The following NEBL variants were observed in gnomAD, a reference collection of about 807,000 sequenced individuals.
The protein encoded by NEBL is LIM and SH3 protein 2.
Under a neutral mutation model 140.2 loss-of-function variants are expected in NEBL, and 122 were observed. The ratio of observed to expected loss-of-function variants is 0.87; its 90% confidence interval spans 0.75 to 1.01. The LOEUF (loss-of-function observed/expected upper bound fraction) is 1.01. NEBL is among the 50% of genes least tolerant of loss of function. The probability of loss-of-function intolerance (pLI) is 0.00; values close to 1 mark genes in which losing one functional copy is unlikely to be tolerated. For synonymous variants in NEBL, 436 were observed against 398.9 expected, an observed-to-expected ratio of 1.09 and a Z score of -1.11; for missense variants, 1,365 against 1,231.3, an observed-to-expected ratio of 1.11 and a Z score of -1.62.
chr10:20,875,602 A>C (rs1845420470), intron 5 of NEBL, among the ~76,000 whole-genome samples: 2 of 152,188 alleles, frequency 1.3e-5, no homozygotes, highest in Non-Finnish European at 2.9e-5. Context: ...GAGTTAATAA[A>C]CCAGAGAAAA....
At chr10:21,166,256 AAAAATT>A (rs1840768840) in intron 2 of NEBL, among the ~76,000 whole-genome samples, 5 of 105,404 alleles carry the variant, frequency 4.7e-5, no homozygotes, top group Admixed American at 9.2e-5. Context: ...GAAAAGAAAA[AAAAATT>A]TTCTACATCA....
In NEBL at chr10:20,785,889, T is replaced by C. The variant is rs750379406; in HGVS notation, c.2903A>G (p.Gln968Arg). The C allele has an allele frequency of 6.8e-6, 11 of 1,613,952 alleles. No homozygotes were observed. The highest frequency in any genetic ancestry group is 1.3e-5 in the African/African-American group (1 of 74,918). Residue 968 changes from glutamine (Q) to arginine (R), a missense_variant, in exon 28 of 28, where the codon CAG becomes CGG. By Grantham distance (43) the Gln-to-Arg change is conservative (BLOSUM62 1). Around this residue, in one of 2 missense-constraint regions of NEBL, gnomAD observed 42 missense variants for 76.5 expected, o/e 0.55. Coordinates refer to ENST00000377122, the MANE Select transcript of NEBL (RefSeq NM_006393.3). ...TYRAMYDYSA[Q>R]DEDEVSFRDG... Reference sequence around the variant, plus strand: ...TCTAAAGGAGACCTCGTCTTCATCCTGGGCACTGTAATCGTACATGGCTCG... The same window carrying C: ...TCTAAAGGAGACCTCGTCTTCATCCCGGGCACTGTAATCGTACATGGCTCG...
intron 3 of NEBL, among the ~76,000 whole-genome samples, chr10:21,008,425 A>G (rs1253106342): frequency 6.6e-6 from 1 of 152,186 alleles, no homozygotes; most frequent in Admixed American, 6.5e-5. Context: ...TTTTATTTTT[A>G]AATTTTTTTC....
intron 4 of NEBL, among the ~76,000 whole-genome samples, chr10:20,939,808 T>C (rs1209571013): frequency 2.0e-5 from 3 of 152,162 alleles, no homozygotes; most frequent in Non-Finnish European, 4.4e-5. Context: ...AAGCAGACTT[T>C]AAATGAACAA....
intron 4 of NEBL, among the ~76,000 whole-genome samples, chr10:20,926,338 T>C (rs1342706752): frequency 6.6e-6 from 1 of 152,264 alleles, no homozygotes; most frequent in African/African-American, 2.4e-5. Flanking sequence ...TGCAATCCTT[T>C]ATAAAACTTG....
intron 3 of NEBL, among the ~76,000 whole-genome samples, chr10:21,196,102 C>G (rs1009420351): frequency 2.0e-5 from 3 of 152,042 alleles, no homozygotes; most frequent in Admixed American, 6.5e-5. Context: ...CTCCCGGGTT[C>G]AAGTGATTCT....
intron 2 of NEBL, among the ~76,000 whole-genome samples, chr10:21,048,936 G>T (rs112244109): frequency 1.3e-5 from 2 of 152,236 alleles, no homozygotes; most frequent in African/African-American, 4.8e-5. Flanking sequence ...CTTGAACCCG[G>T]GAGGTGGAGG....
chr10:20,940,361 G>C (rs1437416076), intron 4 of NEBL, among the ~76,000 whole-genome samples: 10 of 148,478 alleles, frequency 6.7e-5, no homozygotes, highest in Middle Eastern at 3.4e-3. Context: ...AATGAAGGCA[G>C]AAATAAAGAT....
chr10:21,160,480 G>A (rs1458519453), intron 2 of NEBL, among the ~76,000 whole-genome samples: 6 of 152,088 alleles, frequency 3.9e-5, no homozygotes, highest in Non-Finnish European at 7.3e-5. Flanking sequence ...TTCTAATATG[G>A]TGTTTCTATT....
intron 13 of NEBL, among the ~76,000 whole-genome samples, chr10:20,838,529 C>G (rs1389520359): frequency 6.6e-6 from 1 of 152,246 alleles, no homozygotes; most frequent in Admixed American, 6.5e-5. Context: ...GAAATAACAA[C>G]AAAAGATTTA....
At chr10:21,192,261 G>A (rs958103649) in intron 3 of NEBL, among the ~76,000 whole-genome samples, 5 of 150,488 alleles carry the variant, frequency 3.3e-5, no homozygotes, top group Admixed American at 6.6e-5. Flanking sequence ...GCACGATCTC[G>A]GCTTACTGCA....
intron 4 of NEBL, among the ~76,000 whole-genome samples, chr10:20,931,985 C>T (rs190103681): frequency 6.6e-6 from 1 of 152,332 alleles, no homozygotes; most frequent in East Asian, 1.9e-4. Flanking sequence ...TCTAAGCTAA[C>T]TGGCCACACC....
chr10:20,954,374 A>T (rs573199207), intron 4 of NEBL, among the ~76,000 whole-genome samples: 314 of 152,318 alleles, frequency 2.1e-3, no homozygotes, highest in Middle Eastern at 6.8e-3. Flanking sequence ...CTGGGTCTGT[A>T]TAGAAAAAAA....
Position 20,859,759 on chromosome 10 carries a change from C to G in NEBL, c.752G>C (p.Ser251Thr). The G allele has an allele frequency of 6.2e-7, 1 of 1,605,190 alleles. No homozygotes were observed. The highest frequency in any genetic ancestry group is 2.2e-5 in the East Asian group (1 of 44,662). The change falls in exon 8 of 28, where the codon AGT (serine) becomes ACT (threonine). Residue 251 changes from serine (S) to threonine (T), a missense_variant. Physicochemically the swap from Ser to Thr is moderately conservative, Grantham distance 58. Around this residue, in one of 2 missense-constraint regions of NEBL, gnomAD observed 1,323 missense variants for 1,154.8 expected, o/e 1.15. Transcript: ENST00000377122. ...DKKHHYNPLESASFRQNQLAA... is the reference protein window; with the variant it reads ...DKKHHYNPLETASFRQNQLAA... ...AAGCTGATTCTGCCTAAAAGAAGCA[C>G]TTTCAAGAGGATTGTAATGATGTTT... is the stretch of plus-strand genomic sequence containing the variant.
intron 2 of NEBL, among the ~76,000 whole-genome samples, chr10:21,101,793 G>A (rs1211810415): frequency 6.6e-6 from 1 of 152,200 alleles, no homozygotes; most frequent in Non-Finnish European, 1.5e-5. Flanking sequence ...AGCTCAATAA[G>A]TGGAAACTGT....
intron 2 of NEBL, among the ~76,000 whole-genome samples, chr10:21,110,470 C>T (rs1480220371): frequency 6.6e-6 from 1 of 152,084 alleles, no homozygotes; most frequent in African/African-American, 2.4e-5. Flanking sequence ...CTTTTAATAT[C>T]TATACAATCT....
intron 3 of NEBL, among the ~76,000 whole-genome samples, chr10:21,247,260 C>T (rs757942937): frequency 1.4e-4 from 21 of 152,246 alleles, no homozygotes; most frequent in Admixed American, 2.0e-4. Context: ...ATACGTACAA[C>T]GGAATACTAT....
chr10:20,790,234 G>T (rs1443925140), intron 26 of NEBL, among the ~76,000 whole-genome samples: 1 of 151,852 alleles, frequency 6.6e-6, no homozygotes, highest in Non-Finnish European at 1.5e-5. Flanking sequence ...TTATTAAAAA[G>T]TTTCTTTGGG....
At chr10:20,839,365 T>C (rs980567938) in intron 13 of NEBL, among the ~76,000 whole-genome samples, 2 of 152,170 alleles carry the variant, frequency 1.3e-5, no homozygotes, top group African/African-American at 4.8e-5. Context: ...AGGGTTAATG[T>C]GATGACAATG....
Sources: allele counts gnomAD v4.1 joint callset (sites outside exome capture counted in the v4.1 genomes callset), GRCh38; gene constraint gnomAD v4.1.1; regional missense constraint gnomAD v4.1.1; transcripts MANE v1.5; gene names NCBI Gene and HGNC (gene_info 2026-07-23, HGNC 2026-07-21).